The following COBL variants were observed in gnomAD, a reference collection of about 807,000 sequenced individuals.
COBL encodes the protein protein cordon-bleu.
Under a neutral mutation model 98.8 loss-of-function variants are expected in COBL, and 51 were observed. The ratio of observed to expected loss-of-function variants is 0.52; its 90% confidence interval spans 0.41 to 0.65. COBL has a LOEUF of 0.65. Ranked by LOEUF, COBL falls within the 30% of genes least tolerant of loss-of-function variation. The pLI is 0.00. For synonymous variants in COBL, 634 were observed against 651.7 expected (o/e 0.97, Z 0.41); for missense variants, 1,617 against 1,617.5 (o/e 1.00, Z 0.01).
intron 6 of COBL, among the ~76,000 whole-genome samples, chr7:51,133,897 T>C (rs563895539): frequency 6.6e-6 from 1 of 152,356 alleles, no homozygotes; most frequent in Admixed American, 6.5e-5. Context: ...GCTAATATTA[T>C]CCCACCGTTA....
At chr7:51,227,107 G>A (rs1231575414) in intron 1 of COBL, among the ~76,000 whole-genome samples, 1 of 152,150 alleles carries the variant, frequency 6.6e-6, no homozygotes, top group African/African-American at 2.4e-5. Context: ...ATACTAGAAC[G>A]CTGGTGCCCT....
At chr7:51,162,005 C>T (rs1786866465) in intron 5 of COBL, among the ~76,000 whole-genome samples, 1 of 152,208 alleles carries the variant, frequency 6.6e-6, no homozygotes, top group South Asian at 2.1e-4. Flanking sequence ...TACCTTGTCT[C>T]ATCCGTTAGC....
In COBL at chr7:51,025,275, A is replaced by C; in HGVS notation, c.3602T>G (p.Leu1201Arg). The change falls in exon 12 of 13, where the codon CTG becomes CGG. Residue 1201 changes from leucine (L) to arginine (R), a missense_variant. Coordinates refer to ENST00000265136, the MANE Select transcript of COBL (RefSeq NM_015198.5). ...ESPLLEDLGL[L>R]SPPAIPPPPP... Reference sequence around the variant, plus strand: ...TGGTGGGGGAATGGCTGGTGGGGACAGAAGACCAAGGTCTTCTAGCAGAGG... The same window carrying C: ...TGGTGGGGGAATGGCTGGTGGGGACCGAAGACCAAGGTCTTCTAGCAGAGG... 1 of 1,610,830 alleles carries C rather than the reference A, an allele frequency of 6.2e-7. No individual in the cohort carries two copies.
intron 7 of COBL, among the ~76,000 whole-genome samples, chr7:51,058,122 T>A (rs1040903249): frequency 1.3e-5 from 2 of 152,202 alleles, no homozygotes; most frequent in African/African-American, 4.8e-5. Flanking sequence ...CTTTTTTTTT[T>A]AGAAGCTTTT....
chr7:51,082,095 T>C (rs985975638), intron 7 of COBL, among the ~76,000 whole-genome samples: 1 of 152,136 alleles, frequency 6.6e-6, no homozygotes, highest in African/African-American at 2.4e-5. Context: ...AATTATCTTC[T>C]TTACCCAGAA....
chr7:51,045,332 G>C (rs995930971), intron 7 of COBL, among the ~76,000 whole-genome samples: 4 of 152,248 alleles, frequency 2.6e-5, no homozygotes, highest in Non-Finnish European at 4.4e-5. Context: ...GCCTGAATGT[G>C]AACGGCCCTG....
intron 1 of COBL, among the ~76,000 whole-genome samples, chr7:51,262,476 T>C (rs543721958): frequency 2.5e-4 from 38 of 152,266 alleles, no homozygotes; most frequent in African/African-American, 9.1e-4. Flanking sequence ...GGGAAAGGAC[T>C]CCTGCGACTC....
chr7:51,137,836 T>C (rs1404623472), intron 5 of COBL, among the ~76,000 whole-genome samples: 2 of 152,224 alleles, frequency 1.3e-5, no homozygotes, highest in Admixed American at 6.5e-5. Context: ...TGGGTCACTA[T>C]GCTTTCATAT....
rs1786387722 is a variant in COBL, at chr7:51,017,510, T to C, written c.*41A>G. 2.5e-6 allele frequency: 4 copies of C among 1,607,048 alleles called. No homozygotes were observed. Among genetic ancestry groups the C allele is most frequent in the Non-Finnish European group, 3.4e-6 (4 of 1,173,548 alleles). ...ACTCCTTGAGTGACGCCTGTGGGCA[T>C]ATTACAGGTGGGTTTCTGCAATTCT... On this transcript the variant is annotated 3_prime_UTR_variant, in exon 13 of 13. Transcript: ENST00000265136.
At chr7:51,108,098 G>A (rs940592550) in intron 6 of COBL, among the ~76,000 whole-genome samples, 1 of 152,116 alleles carries the variant, frequency 6.6e-6, no homozygotes, top group African/African-American at 2.4e-5. Context: ...GGCTCACCCA[G>A]AGGCCACGCT....
chr7:51,172,342 C>A, intron 5 of COBL: 2 of 595,432 alleles, frequency 3.4e-6, no homozygotes, highest in Non-Finnish European at 2.5e-6. Context: ...ATCTAGACTA[C>A]AAAAAACAAA....
intron 6 of COBL, among the ~76,000 whole-genome samples, chr7:51,099,288 A>G (rs1795599202): frequency 6.6e-6 from 1 of 152,212 alleles, no homozygotes; most frequent in South Asian, 2.1e-4. Flanking sequence ...AACAGCAAAC[A>G]GAATTTCAAA....
At chr7:51,057,893 T>C (rs887730934) in intron 7 of COBL, among the ~76,000 whole-genome samples, 1 of 152,200 alleles carries the variant, frequency 6.6e-6, no homozygotes, top group East Asian at 1.9e-4. Flanking sequence ...AAAGGATAGA[T>C]GGCCACACCT....
Position 51,028,580 on chromosome 7 carries a change from A to C in COBL, c.2516T>G (p.Met839Arg). 1 of 1,614,198 alleles carries C rather than the reference A, an allele frequency of 6.2e-7. No homozygotes were observed. Among genetic ancestry groups the C allele is most frequent in the Non-Finnish European group, 8.5e-7 (1 of 1,180,032 alleles). The stretch of plus-strand genomic sequence containing the variant: ...TGGCACCCTCACGTGACCCATGCCC[A>C]TGGTGGGGGGCTGGTTTCTCCCCTC... ...LGEGRNQPPT[M>R]GMGHVRVPAA... Residue 839 changes from methionine to arginine, a missense_variant, in exon 10 of 13, where the codon ATG becomes AGG. Physicochemically the swap from Met to Arg is moderately conservative, Grantham distance 91. Coordinates refer to ENST00000265136, the MANE Select transcript of COBL (RefSeq NM_015198.5).
At chr7:51,031,848 T>C (rs891100775) in intron 8 of COBL, 1 of 152,064 alleles carries the variant, frequency 6.6e-6, no homozygotes, top group East Asian at 1.9e-4. Flanking sequence ...ATAAGGACAA[T>C]AAGGATGGCC....
chr7:51,055,166 G>A (rs967536525), intron 7 of COBL, among the ~76,000 whole-genome samples: 4 of 152,188 alleles, frequency 2.6e-5, no homozygotes, highest in Admixed American at 1.3e-4. Context: ...CTTCCCGCAA[G>A]GGCGGCTCAG....
At chr7:51,271,798 G>C (rs1798784326) in intron 1 of COBL, among the ~76,000 whole-genome samples, 1 of 152,318 alleles carries the variant, frequency 6.6e-6, no homozygotes, top group African/African-American at 2.4e-5. Flanking sequence ...GGAAGACCGA[G>C]GCAGGAGGAT....
intron 1 of COBL, among the ~76,000 whole-genome samples, chr7:51,311,564 C>G (rs12719053): frequency 0.35 from 52,478 of 152,042 alleles, 10,122 homozygotes; most frequent in South Asian, 0.44. Context: ...TCTATTCCAG[C>G]AAGAGACAGA....
chr7:51,256,756 G>A (rs141969234), intron 1 of COBL, among the ~76,000 whole-genome samples: 74 of 152,308 alleles, frequency 4.9e-4, no homozygotes, highest in African/African-American at 1.1e-3. Flanking sequence ...CTGGCTAAAT[G>A]ATGATAGGTG....
Sources: allele counts gnomAD v4.1 joint callset (sites outside exome capture counted in the v4.1 genomes callset), GRCh38; gene constraint gnomAD v4.1.1; transcripts MANE v1.5; gene names NCBI Gene and HGNC (gene_info 2026-07-23, HGNC 2026-07-21).